The following SRSF11 variants were observed in gnomAD, a reference collection of about 807,000 sequenced individuals.
SRSF11 encodes the protein serine/arginine-rich splicing factor 11.
Under a neutral mutation model 56.0 loss-of-function variants are expected in SRSF11, and 9 were observed. The ratio of observed to expected loss-of-function variants is 0.16; its 90% confidence interval spans 0.10 to 0.28. The LOEUF (loss-of-function observed/expected upper bound fraction) is 0.28, where lower values mean the gene tolerates loss of function less well. SRSF11 is among the 10% of genes least tolerant of loss of function. The pLI is 1.00. For synonymous variants in SRSF11, 222 were observed against 215.3 expected (o/e 1.03, Z -0.27); for missense variants, 421 against 600.7 (o/e 0.70, Z 3.13).
At chr1:70,220,918 CTT>C (rs939670846), upstream of SRSF11, 1 of 152,026 alleles carries the variant, frequency 6.6e-6, no homozygotes, top group Admixed American at 6.6e-5. Flanking sequence ...TAAAATATAT[CTT>C]TTCTGAAAGT....
intron 1 of SRSF11, chr1:70,205,823 T>G (rs772377935): frequency 7.2e-5 from 23 of 320,446 alleles, no homozygotes; most frequent in Non-Finnish European, 1.2e-4. Context: ...TCGGGTTTAT[T>G]GTTTGCACTG....
chr1:70,236,468 C>CT (rs921957808), intron 5 of SRSF11, among the ~76,000 whole-genome samples: 2 of 151,662 alleles, frequency 1.3e-5, no homozygotes, highest in African/African-American at 4.8e-5. Flanking sequence ...GTAGCTGGGA[C>CT]TATGGGCACA....
rs141739302 is a variant in SRSF11 at position 70,215,986 on chromosome 1, G to A, written c.-25-5626G>A. Among the ~76,000 whole-genome samples, 1,339 of 152,214 alleles carry A rather than the reference G, an allele frequency of 8.8e-3. 22 individuals carry two copies. The highest frequency in any genetic ancestry group is 0.03 in the African/African-American group (1,261 of 41,540). On this transcript the variant is annotated intron_variant, in intron 1 of 12. Coordinates refer to the SRSF11 transcript ENST00000370950. ...TTTTTAGTAGAGACGGGGTTTCTCCGTATTGGTCAGGCTCATCTCGAACCC... is the reference window on the plus strand; with the variant it reads ...TTTTTAGTAGAGACGGGGTTTCTCCATATTGGTCAGGCTCATCTCGAACCC...
At position 70,252,915 on chromosome 1, in the gene SRSF11, CA is replaced by C. The variant is rs1678139552; in HGVS notation, c.*2111del. On this transcript the variant is annotated 3_prime_UTR_variant, in exon 12 of 12. Coordinates refer to ENST00000370949, the MANE Select transcript of SRSF11 (RefSeq NM_001350605.2). ...ATTTATTTTCAGTGAACATTTTCTG[CA>C]CAAAGGTAGTGTTGCACTGGGACAC... The C allele has an allele frequency of 6.6e-6, 1 of 152,152 alleles. No individual in the cohort carries two copies. Among genetic ancestry groups the C allele is most frequent in the South Asian group, 2.1e-4 (1 of 4,822 alleles). The allele number at this position is 152,152 out of a possible 1,614,324, so 9.4% of individuals were successfully genotyped here. A position where few individuals can be genotyped will look rare whatever the true frequency, so the allele number is the denominator to read the frequency against.
chr1:70,245,136 G>A lies in SRSF11; in HGVS notation c.932+321G>A, dbSNP rs192328181. ...AATATATTCAAAAACCAGTCTTTTCGTGTAGAACCAAACACTTTTAAATTA... is the reference window on the plus strand; with the variant it reads ...AATATATTCAAAAACCAGTCTTTTCATGTAGAACCAAACACTTTTAAATTA... On this transcript the variant is annotated intron_variant, in intron 8 of 11. Transcript: ENST00000370949. 3.7e-4 allele frequency among the ~76,000 whole-genome samples: 57 copies of A among 152,196 alleles called. No individual in the cohort carries two copies. The East Asian group carries it at 9.5e-3, about 25-fold the overall frequency.
chr1:70,247,434 G>A (rs1361593633), intron 9 of SRSF11, among the ~76,000 whole-genome samples: 3 of 152,102 alleles, frequency 2.0e-5, no homozygotes, highest in Non-Finnish European at 2.9e-5. Context: ...TTATATGATA[G>A]TAAGGGCTGG....
chr1:70,206,567 G>C (rs1669045192), intron 1 of SRSF11, among the ~76,000 whole-genome samples: 1 of 151,958 alleles, frequency 6.6e-6, no homozygotes, highest in Non-Finnish European at 1.5e-5. Flanking sequence ...ATCCTGCCTA[G>C]TATGTGTACT....
chr1:70,214,514 T>A (rs1467327382), intron 1 of SRSF11, among the ~76,000 whole-genome samples: 1 of 152,240 alleles, frequency 6.6e-6, no homozygotes, highest in African/African-American at 2.4e-5. Context: ...TGGTCACAGA[T>A]AGATTTTTGC....
At chr1:70,231,446 A>G (rs1027302202) in intron 2 of SRSF11, 18 of 1,056,050 alleles carry the variant, frequency 1.7e-5, no homozygotes, top group Middle Eastern at 4.6e-4. Context: ...AAACAGATAT[A>G]TATGTCATTT....
At chr1:70,217,876 A>C (rs900258239), upstream of SRSF11, among the ~76,000 whole-genome samples, 2 of 152,106 alleles carry the variant, frequency 1.3e-5, no homozygotes, top group Admixed American at 1.3e-4. Context: ...TTATGATTCA[A>C]CTCTTCATTT....
At chr1:70,230,834 A>G (rs778879655) in intron 2 of SRSF11, 32 of 1,170,148 alleles carry the variant, frequency 2.7e-5, no homozygotes, top group Non-Finnish European at 3.4e-5. Context: ...CTCTTGAGAC[A>G]TAATTTTGCA....
chr1:70,219,770 A>G (rs1362814707), upstream of SRSF11, among the ~76,000 whole-genome samples: 2 of 152,214 alleles, frequency 1.3e-5, no homozygotes, highest in Non-Finnish European at 2.9e-5. Context: ...TGAGGCTCAC[A>G]TTCAGTCAAC....
In SRSF11 at chr1:70,221,488, G is replaced by C; in HGVS notation, c.-149G>C. ...GCGTGCGGCGGGGCGGAGAAACGGC[G>C]GCGGCGGCGGCGGCATCGGCAGCAG... On this transcript the variant is annotated 5_prime_UTR_variant, in exon 1 of 12. Transcript: ENST00000370949. The C allele has an allele frequency of 8.6e-7, 1 of 1,159,992 alleles. No homozygotes were observed. The highest frequency in any genetic ancestry group is 1.2e-6 in the Non-Finnish European group (1 of 834,194). The allele number at this position is 1,159,992 out of a possible 1,614,324, so 71.9% of individuals were successfully genotyped here. A position where few individuals can be genotyped will look rare whatever the true frequency, so the allele number is the denominator to read the frequency against.
intron 1 of SRSF11, among the ~76,000 whole-genome samples, chr1:70,211,514 C>A (rs369173938): frequency 6.6e-6 from 1 of 152,070 alleles, no homozygotes; most frequent in South Asian, 2.1e-4. Context: ...GGAGAAAAAT[C>A]TGAATAATTT....
chr1:70,251,363 A>T lies in SRSF11; in HGVS notation c.*558A>T, dbSNP rs186532210. 1.3e-5 allele frequency: 2 copies of T among 152,936 alleles called. No homozygotes were observed. Among genetic ancestry groups the T allele is most frequent in the African/African-American group, 4.8e-5 (2 of 41,574 alleles). 9.5% of individuals were successfully genotyped at this position (152,936 alleles called of 1,614,324 possible). The stretch of plus-strand genomic sequence containing the variant: ...ATAATCCTTTAAGCCTTGTGGCAAA[A>T]TTTTTGTGGCTTTTGTTTAACTTTG... On this transcript the variant is annotated 3_prime_UTR_variant, in exon 12 of 12. Coordinates refer to ENST00000370949, the MANE Select transcript of SRSF11 (RefSeq NM_001350605.2).
chr1:70,244,480 G>C (rs549641697), intron 7 of SRSF11, among the ~76,000 whole-genome samples: 6 of 152,076 alleles, frequency 3.9e-5, no homozygotes, highest in African/African-American at 7.2e-5. Context: ...AAAAGGTGAG[G>C]AATTCCAAGT....
At chr1:70,218,822 G>A (rs894736046), upstream of SRSF11, 7 of 152,076 alleles carry the variant, frequency 4.6e-5, no homozygotes, top group Non-Finnish European at 7.4e-5. Flanking sequence ...TATGAGTGAC[G>A]TGCAGTTAGT....
intron 2 of SRSF11, chr1:70,231,794 A>G: frequency 1.5e-6 from 2 of 1,347,822 alleles, no homozygotes; most frequent in South Asian, 1.2e-5. Flanking sequence ...ACTGTACCAT[A>G]TTATTAACCC....
chr1:70,244,914 A>G (rs1558222393), intron 8 of SRSF11, 99 bp downstream of exon 8: 1 of 1,188,916 alleles, frequency 8.4e-7, no homozygotes, highest in Non-Finnish European at 1.2e-6. Context: ...GGGGCAGAGA[A>G]ATAGGGCTAG....
Sources: gnomAD v4.1 joint callset for allele counts (sites outside exome capture counted in the v4.1 genomes callset) on GRCh38, gnomAD v4.1.1 for gene constraint, MANE v1.5 for transcripts, NCBI Gene and HGNC (gene_info 2026-07-23, HGNC 2026-07-21) for gene names.